The following GRHL3 variants were observed in gnomAD, a reference collection of about 807,000 sequenced individuals.
GRHL3 encodes the protein grainyhead like transcription factor 3.
In GRHL3, 20 loss-of-function variants were observed where a neutral mutation model predicts 70.3. That is an observed-to-expected ratio of 0.28 (90% CI 0.20 to 0.41). GRHL3 has a LOEUF of 0.41. Among genes scored for constraint, GRHL3 ranks in the 10% least tolerant of loss-of-function variants. The pLI is 1.00. For missense variants in GRHL3, 637 were observed against 762.3 expected, an observed-to-expected ratio of 0.84 and a Z score of 1.94; for synonymous variants, 299 against 299.9, an observed-to-expected ratio of 1.00 and a Z score of 0.03.
Position 24,336,694 on chromosome 1 carries a change from T to G in GRHL3, c.479T>G (p.Val160Gly). 6.2e-7 allele frequency: 1 copy of G among 1,614,118 alleles called. No individual in the cohort carries two copies. Among genetic ancestry groups the G allele is most frequent in the South Asian group, 1.1e-5 (1 of 91,076 alleles). Reference protein sequence around the residue: ...AGPSKLEAGSVDSYLLPTTDM... With the variant: ...AGPSKLEAGSGDSYLLPTTDM... The stretch of plus-strand genomic sequence containing the variant: ...CCCAGCAAGCTGGAGGCCGGCTCTG[T>G]GGACAGCTACCTGTTACCCACCACT... The change falls in exon 4 of 16, where the codon GTG becomes GGG. Residue 160 changes from valine to glycine, a missense_variant. Val to Gly is a moderately radical substitution (Grantham distance 109, BLOSUM62 -3). Around this residue, in one of 2 missense-constraint regions of GRHL3, gnomAD observed 250 missense variants for 248.6 expected, o/e 1.01. Coordinates refer to ENST00000361548, the MANE Select transcript of GRHL3 (RefSeq NM_198173.3).
chr1:24,319,853 T>C, intron 1 of GRHL3: 1 of 792,620 alleles, frequency 1.3e-6, no homozygotes, highest in Non-Finnish European at 1.8e-6. Flanking sequence ...CTGGCACCAC[T>C]TTTTGATCCT....
At chr1:24,327,187 A>C (rs879909235) in intron 1 of GRHL3, among the ~76,000 whole-genome samples, 2 of 152,170 alleles carry the variant, frequency 1.3e-5, no homozygotes, top group Non-Finnish European at 2.9e-5. Flanking sequence ...CATGAGATGA[A>C]CCCTACTGTA....
chr1:24,347,572 C>T lies in GRHL3; in HGVS notation c.1629+19C>T, dbSNP rs369681114. The T allele has an allele frequency of 2.1e-5, 34 of 1,597,136 alleles. No homozygotes were observed. Among genetic ancestry groups the T allele is most frequent in the Non-Finnish European group, 2.8e-5 (33 of 1,164,662 alleles). On this transcript the variant is annotated intron_variant, in intron 14 of 15. Coordinates refer to ENST00000361548, the MANE Select transcript of GRHL3 (RefSeq NM_198173.3). ...GAATGCGGTAAGCTGCCTGTGGACC[C>T]CGCCCCCCATGGCAGACCCCCTCTA...
chr1:24,342,557 C>T lies in GRHL3; in HGVS notation c.1207-137C>T. 1.1e-6 allele frequency: 1 copy of T among 902,020 alleles called. No individual in the cohort carries two copies. The highest frequency in any genetic ancestry group is 1.8e-6 in the Non-Finnish European group (1 of 560,334). 55.9% of individuals were successfully genotyped at this position (902,020 alleles called of 1,614,324 possible). A position where few individuals can be genotyped will look rare whatever the true frequency, so the allele number is the denominator to read the frequency against. ...AGGCTGGGCCAGGTAAGTGCTGGTA[C>T]CTTCCCATTTCCTGGTCTTGTTCTG... is the stretch of plus-strand genomic sequence containing the variant. On this transcript the variant is annotated intron_variant, in intron 9 of 15. Coordinates refer to ENST00000361548, the MANE Select transcript of GRHL3 (RefSeq NM_198173.3). The surrounding 1 kb of genome is among the most constrained non-coding windows in gnomAD (Gnocchi z 4.8).
Position 24,342,739 on chromosome 1 carries a change from AGGAAG to A in GRHL3, c.1254_1258del (p.Arg418SerfsTer5). ...CGATGACGAGCGGAAGCAGTTCCGG[AGGAAG>A]GTCAAGTGCCCTGACTCCAGCAACA... On this transcript the variant is annotated frameshift_variant, in exon 10 of 16. Transcript: ENST00000361548. LOFTEE classifies it high-confidence loss of function. The surrounding 1 kb of genome is among the most constrained non-coding windows in gnomAD (Gnocchi z 4.8). The A allele has an allele frequency of 1.2e-6, 2 of 1,614,174 alleles. No individual in the cohort carries two copies. Among genetic ancestry groups the A allele is most frequent in the Non-Finnish European group, 1.7e-6 (2 of 1,180,032 alleles).
At position 24,346,621 on chromosome 1, in the gene GRHL3, A is replaced by C; in HGVS notation, c.1523A>C (p.Lys508Thr). 1 of 1,612,784 alleles carries C rather than the reference A, an allele frequency of 6.2e-7. No homozygotes were observed. The highest frequency in any genetic ancestry group is 8.5e-7 in the Non-Finnish European group (1 of 1,179,244). ...GAGCCTCTGCCCTCCAAGCAGGCCA[A>C]GGAAGGCGACCTTCAGAGAGGTGAC... is the stretch of plus-strand genomic sequence containing the variant. ...EFEPLPSKQA[K>T]EGDLQRVLLY... is the part of the protein sequence containing the mutation. The change falls in exon 13 of 16, where the codon AAG (lysine) becomes ACG (threonine). Residue 508 changes from lysine to threonine, a missense_variant. Transcript: ENST00000361548.
chr1:24,353,967 T>C (rs1640616180), intron 15 of GRHL3, among the ~76,000 whole-genome samples: 1 of 152,186 alleles, frequency 6.6e-6, no homozygotes. Flanking sequence ...TAGCCTCTTG[T>C]TGAACCCAAC....
At chr1:24,351,567 T>G (rs1268241970) in intron 15 of GRHL3, among the ~76,000 whole-genome samples, 2 of 146,890 alleles carry the variant, frequency 1.4e-5, no homozygotes, top group Non-Finnish European at 3.0e-5. Flanking sequence ...AGCCCCACTC[T>G]CCCTTCAGCT....
intron 1 of GRHL3, among the ~76,000 whole-genome samples, chr1:24,328,450 G>C (rs1639473823): frequency 6.6e-6 from 1 of 152,244 alleles, no homozygotes; most frequent in Non-Finnish European, 1.5e-5. Context: ...CAGACTTTGG[G>C]ATACCAACAA....
At chr1:24,329,201 A>G (rs1334203019) in intron 1 of GRHL3, among the ~76,000 whole-genome samples, 2 of 152,158 alleles carry the variant, frequency 1.3e-5, no homozygotes, top group Non-Finnish European at 1.5e-5. Flanking sequence ...CTCAGAGCCC[A>G]GCTCCTCACA....
At chr1:24,355,417 T>C (rs1039159406), downstream of GRHL3, 1 of 152,384 alleles carries the variant, frequency 6.6e-6, no homozygotes, top group Non-Finnish European at 1.5e-5. Flanking sequence ...GCTCTGGCTC[T>C]GTGCGGAGAA....
chr1:24,360,860 G>C, intron 15 of GRHL3: 1 of 1,612,038 alleles, frequency 6.2e-7, no homozygotes, highest in Non-Finnish European at 8.5e-7. Flanking sequence ...CCTGGGCCAG[G>C]CAGGCCTGGC....
intron 13 of GRHL3, 58 bp downstream of exon 13, chr1:24,346,699 A>C: frequency 2.2e-6 from 3 of 1,336,366 alleles, no homozygotes; most frequent in Non-Finnish European, 3.2e-6. Context: ...CACCTCCCTC[A>C]TGGGCTTTCC....
At chr1:24,352,997 C>T (rs369985166) in intron 15 of GRHL3, among the ~76,000 whole-genome samples, 63 of 152,324 alleles carry the variant, frequency 4.1e-4, no homozygotes, top group African/African-American at 1.3e-3. Flanking sequence ...GCCGCTCCTG[C>T]GCCACTTCAA....
At chr1:24,345,543 T>C (rs536729884) in intron 12 of GRHL3, among the ~76,000 whole-genome samples, 3 of 150,768 alleles carry the variant, frequency 2.0e-5, no homozygotes, top group Admixed American at 6.5e-5. Context: ...CACCCGCTTG[T>C]AAAAAGGGAA....
chr1:24,338,348 A>T (rs751388696), intron 7 of GRHL3, among the ~76,000 whole-genome samples: 1 of 152,172 alleles, frequency 6.6e-6, no homozygotes, highest in Non-Finnish European at 1.5e-5. Context: ...GGCTCCTGCG[A>T]TGCTGGCCTG....
chr1:24,359,001 C>T (rs139654825), downstream of GRHL3, among the ~76,000 whole-genome samples: 2 of 152,258 alleles, frequency 1.3e-5, no homozygotes, highest in East Asian at 3.9e-4. This position sits in a 1 kb window ranked among gnomAD's most constrained non-coding sequence, Gnocchi z 5.3. Context: ...ATGACAATTG[C>T]GGACATGGTT....
Position 24,319,556 on chromosome 1 carries a change from C to G in GRHL3, c.5C>G (p.Ser2Trp), listed in dbSNP as rs774176798. 7.4e-6 allele frequency: 12 copies of G among 1,613,656 alleles called. No homozygotes were observed. The Admixed American group carries it at 1.2e-4, about 16-fold the overall frequency. Residue 2 changes from serine to tryptophan, a missense_variant, in exon 1 of 16, where the codon TCG becomes TGG. Transcript: ENST00000361548. The part of the protein sequence containing the change: M[S>W]NELDFRSVRL... Reference sequence around the variant, plus strand: ...TCGGAGCTTGGGAGCAGGAAGATGTCGAATGAACTTGAGTGAGTAAACATC... The same window carrying G: ...TCGGAGCTTGGGAGCAGGAAGATGTGGAATGAACTTGAGTGAGTAAACATC...
At chr1:24,320,040 G>C (rs1639120739) in intron 1 of GRHL3, 1 of 192,068 alleles carries the variant, frequency 5.2e-6, no homozygotes, top group South Asian at 1.1e-4. Context: ...ACAGTGTGGT[G>C]GTTAAGCATG....
Sources: allele counts gnomAD v4.1 joint callset (sites outside exome capture counted in the v4.1 genomes callset), GRCh38; gene constraint gnomAD v4.1.1; regional missense constraint gnomAD v4.1.1; non-coding constraint Gnocchi (gnomAD v3.1); transcripts MANE v1.5; gene names NCBI Gene and HGNC (gene_info 2026-07-23, HGNC 2026-07-21).